The following ADK variants were observed in gnomAD, a reference collection of about 807,000 sequenced individuals.
ADK encodes the protein adenosine kinase.
ADK carries 24 observed loss-of-function variants against 44.7 expected under a neutral mutation model. That is an observed-to-expected ratio of 0.54 (90% CI 0.39 to 0.76). The LOEUF (loss-of-function observed/expected upper bound fraction) is 0.76. Ranked by LOEUF, ADK falls within the 30% of genes least tolerant of loss-of-function variation. The pLI is 0.00. For missense variants in ADK, 321 were observed against 425.1 expected (o/e 0.76, Z 2.15); for synonymous variants, 128 against 142.6 (o/e 0.90, Z 0.73).
chr10:74,535,762 T>C (rs759094732), intron 7 of ADK, among the ~76,000 whole-genome samples: 34 of 152,038 alleles, frequency 2.2e-4, no homozygotes, highest in Non-Finnish European at 4.0e-4. Context: ...TTTGTATTTT[T>C]AGTAGAGATG....
intron 1 of ADK, among the ~76,000 whole-genome samples, chr10:74,193,439 T>C (rs1284006326): frequency 6.6e-6 from 1 of 150,870 alleles, no homozygotes; most frequent in Admixed American, 6.6e-5. Context: ...AGTGTTTTCA[T>C]GGTGTGTCTT....
At chr10:74,170,135 A>G (rs1453629443) in intron 1 of ADK, among the ~76,000 whole-genome samples, 1 of 152,104 alleles carries the variant, frequency 6.6e-6, no homozygotes, top group East Asian at 1.9e-4. Context: ...ATTCATATTA[A>G]ATGAGGGTTT....
chr10:74,546,018 A>G (rs987853584), intron 7 of ADK, among the ~76,000 whole-genome samples: 2 of 152,174 alleles, frequency 1.3e-5, no homozygotes, highest in Admixed American at 6.5e-5. Flanking sequence ...TTCATTTCCT[A>G]CCAGCTTCCA....
intron 4 of ADK, among the ~76,000 whole-genome samples, chr10:74,362,928 A>G (rs1175379250): frequency 6.6e-6 from 1 of 152,180 alleles, no homozygotes; most frequent in Non-Finnish European, 1.5e-5. Context: ...AGACTCTCCT[A>G]GTGGTCCTGA....
chr10:74,434,526 A>G (rs1845116767), intron 6 of ADK, among the ~76,000 whole-genome samples: 2 of 152,212 alleles, frequency 1.3e-5, no homozygotes, highest in African/African-American at 2.4e-5. Context: ...TAAGCTGAGC[A>G]GAGGAAGTTG....
intron 3 of ADK, among the ~76,000 whole-genome samples, chr10:74,225,663 T>G (rs1190267353): frequency 6.6e-6 from 1 of 152,234 alleles, no homozygotes; most frequent in Non-Finnish European, 1.5e-5. Context: ...GATTTTCTTA[T>G]GCGTTCTTAC....
intron 3 of ADK, among the ~76,000 whole-genome samples, chr10:74,255,496 T>C (rs996614892): frequency 6.6e-6 from 1 of 152,070 alleles, no homozygotes; most frequent in Non-Finnish European, 1.5e-5. Context: ...CCACAAGGAG[T>C]CTATCTTGTC....
At chr10:74,570,066 C>T (rs1243809928) in intron 7 of ADK, among the ~76,000 whole-genome samples, 1 of 151,994 alleles carries the variant, frequency 6.6e-6, no homozygotes, top group African/African-American at 2.4e-5. Context: ...TCAGGTTTGT[C>T]AAAGATCAGA....
intron 6 of ADK, among the ~76,000 whole-genome samples, chr10:74,461,182 ACTTGT>A (rs1407934190): frequency 6.6e-6 from 1 of 152,068 alleles, no homozygotes; most frequent in African/African-American, 2.4e-5. Context: ...TAAGTCCCTA[ACTTGT>A]CTTGGTTCAG....
intron 4 of ADK, among the ~76,000 whole-genome samples, chr10:74,321,279 A>AT (rs1236204324): frequency 5.1e-4 from 77 of 150,258 alleles, no homozygotes; most frequent in Admixed American, 2.4e-3. Flanking sequence ...GGCTATATGG[A>AT]TTTTTTTTTC....
At chr10:74,657,125 C>T (rs1368576325) in intron 9 of ADK, among the ~76,000 whole-genome samples, 2 of 151,940 alleles carry the variant, frequency 1.3e-5, no homozygotes, top group African/African-American at 2.4e-5. Flanking sequence ...TGGTCTTGAG[C>T]TCCTGGCCTC....
intron 3 of ADK, among the ~76,000 whole-genome samples, chr10:74,295,332 C>T (rs1440664481): frequency 1.4e-5 from 2 of 147,308 alleles, no homozygotes; most frequent in African/African-American, 2.5e-5. Flanking sequence ...CATGGTGGCA[C>T]GTGCTTGTAA....
intron 2 of ADK, among the ~76,000 whole-genome samples, chr10:74,208,039 G>A (rs1254551335): frequency 1.2e-4 from 18 of 152,204 alleles, no homozygotes; most frequent in African/African-American, 2.4e-5. Flanking sequence ...GTGCTGCCCC[G>A]AGCACATGCA....
intron 3 of ADK, among the ~76,000 whole-genome samples, chr10:74,296,928 A>C (rs921934881): frequency 6.6e-6 from 1 of 152,052 alleles, no homozygotes; most frequent in Non-Finnish European, 1.5e-5. Flanking sequence ...AGTATTCTTT[A>C]ATTCACGAAC....
chr10:74,596,567 A>G lies in ADK; in HGVS notation c.763-3812A>G, dbSNP rs144496362. 3.6e-3 allele frequency among the ~76,000 whole-genome samples: 541 copies of G among 150,376 alleles called. 3 individuals carry two copies. Among genetic ancestry groups the G allele is most frequent in the African/African-American group, 0.012 (508 of 40,828 alleles). Reference sequence around the variant, plus strand: ...TCTCTCTCTCTTTTTTTTTTTTGAGACAGGGTCTGGCTCTGTTGCCCACGC... The same window carrying G: ...TCTCTCTCTCTTTTTTTTTTTTGAGGCAGGGTCTGGCTCTGTTGCCCACGC... On this transcript the variant is annotated intron_variant, in intron 8 of 10. Transcript: ENST00000539909.
At chr10:74,372,298 C>T (rs1000822533) in intron 4 of ADK, 15 of 759,718 alleles carry the variant, frequency 2.0e-5, no homozygotes, top group Admixed American at 1.2e-4. Context: ...GTGCCCTCTG[C>T]GCCTATTCAT....
chr10:74,438,751 A>G (rs1839150119), intron 6 of ADK, among the ~76,000 whole-genome samples: 3 of 151,734 alleles, frequency 2.0e-5, no homozygotes, highest in South Asian at 4.2e-4. Context: ...CCCTCTTTTT[A>G]GGTTGTATAA....
intron 4 of ADK, among the ~76,000 whole-genome samples, chr10:74,343,144 G>A (rs1365493778): frequency 6.6e-6 from 1 of 152,048 alleles, no homozygotes; most frequent in African/African-American, 2.4e-5. Flanking sequence ...TCAGATTGAG[G>A]AAGTTACTTT....
chr10:74,675,458 T>A (rs1443133338), intron 10 of ADK, among the ~76,000 whole-genome samples: 5 of 152,232 alleles, frequency 3.3e-5, no homozygotes, highest in African/African-American at 9.6e-5. Flanking sequence ...TTAAGCACTT[T>A]GTGATATTTG....
Sources: allele counts gnomAD v4.1 joint callset (sites outside exome capture counted in the v4.1 genomes callset), GRCh38; gene constraint gnomAD v4.1.1; transcripts MANE v1.5; gene names NCBI Gene and HGNC (gene_info 2026-07-23, HGNC 2026-07-21).